Variants in RIMS2 observed in about 807,000 individuals in gnomAD.
RIMS2 encodes regulating synaptic membrane exocytosis protein 2.
Under a neutral mutation model 174.4 loss-of-function variants are expected in RIMS2, and 59 were observed. The observed-to-expected ratio is 0.34, with a 90% confidence interval of 0.27 to 0.42. The LOEUF (loss-of-function observed/expected upper bound fraction) is 0.42. Ranked by LOEUF, RIMS2 falls within the 10% of genes least tolerant of loss-of-function variation. The probability of loss-of-function intolerance (pLI) is 1.00; values close to 1 mark genes in which losing one functional copy is unlikely to be tolerated. For synonymous variants in RIMS2, 606 were observed against 572.5 expected, an observed-to-expected ratio of 1.06 and a Z score of -0.84; for missense variants, 1,620 against 1,666.3, an observed-to-expected ratio of 0.97 and a Z score of 0.48.
At chr8:104,092,209 A>T (rs934271298) in intron 19 of RIMS2, among the ~76,000 whole-genome samples, 3 of 151,830 alleles carry the variant, frequency 2.0e-5, no homozygotes, top group African/African-American at 7.2e-5. Context: ...AAATGTTTAT[A>T]TCTATCTAAT....
exon 4 of RIMS2, chr8:103,885,409 A>G (rs751181714): frequency 1.9e-5 from 31 of 1,609,426 alleles, no homozygotes; most frequent in Non-Finnish European, 2.2e-5. Flanking sequence ...CTAGATCTCC[A>G]TCAGATTATG....
At chr8:104,019,802 C>T (rs772545056) in intron 19 of RIMS2, among the ~76,000 whole-genome samples, 8 of 152,084 alleles carry the variant, frequency 5.3e-5, no homozygotes, top group Admixed American at 1.3e-4. Context: ...TTAATGTTTT[C>T]CCATTAGCTC....
intron 1 of RIMS2, among the ~76,000 whole-genome samples, chr8:103,656,083 A>G (rs2096528267): frequency 6.6e-6 from 1 of 152,132 alleles, no homozygotes; most frequent in Non-Finnish European, 1.5e-5. Context: ...GGAGAGAAGT[A>G]AATTGAGAAT....
At chr8:103,866,949 A>C (rs951059036) in intron 3 of RIMS2, among the ~76,000 whole-genome samples, 75 of 151,940 alleles carry the variant, frequency 4.9e-4, no homozygotes, top group African/African-American at 1.7e-3. Flanking sequence ...TCTTGTCATG[A>C]GGTTCTGTGT....
At chr8:104,102,143 T>A (rs2097914702) in intron 19 of RIMS2, among the ~76,000 whole-genome samples, 1 of 152,190 alleles carries the variant, frequency 6.6e-6, no homozygotes. Context: ...ATCTGCCAGA[T>A]CTGTCCTCCT....
At chr8:104,077,437 A>T (rs1031137871) in intron 19 of RIMS2, among the ~76,000 whole-genome samples, 2 of 151,898 alleles carry the variant, frequency 1.3e-5, no homozygotes, top group Admixed American at 1.3e-4. Context: ...ATTTAAAAAA[A>T]TGATACTTTT....
chr8:103,908,779 G>T (rs1187572677), intron 4 of RIMS2, among the ~76,000 whole-genome samples: 1 of 151,760 alleles, frequency 6.6e-6, no homozygotes, highest in East Asian at 1.9e-4. Context: ...TTAACTTTTG[G>T]TGTCATACAA....
At chr8:103,917,487 A>G (rs960645479) in intron 8 of RIMS2, among the ~76,000 whole-genome samples, 4 of 152,138 alleles carry the variant, frequency 2.6e-5, no homozygotes, top group East Asian at 1.9e-4. Flanking sequence ...AGATTTGTGT[A>G]TTGATCAAAT....
intron 15 of RIMS2, among the ~76,000 whole-genome samples, chr8:103,967,549 G>C (rs1029290083): frequency 5.3e-5 from 8 of 150,500 alleles, no homozygotes; most frequent in South Asian, 2.1e-4. Context: ...CTGGAATGCA[G>C]TGGTGCAATC....
intron 3 of RIMS2, among the ~76,000 whole-genome samples, chr8:103,857,617 C>T (rs1482814320): frequency 6.6e-6 from 1 of 151,922 alleles, no homozygotes; most frequent in Non-Finnish European, 1.5e-5. Context: ...ATTAATTCCC[C>T]ATGAGATACA....
intron 1 of RIMS2, among the ~76,000 whole-genome samples, chr8:103,567,246 C>A (rs1347119782): frequency 6.6e-6 from 1 of 152,156 alleles, no homozygotes; most frequent in Non-Finnish European, 1.5e-5. Flanking sequence ...GCAAACATCA[C>A]CACTATCCAG....
chr8:103,549,372 G>A (rs1245517917), intron 1 of RIMS2, among the ~76,000 whole-genome samples: 1 of 152,104 alleles, frequency 6.6e-6, no homozygotes, highest in Non-Finnish European at 1.5e-5. Flanking sequence ...GCCAAACTAA[G>A]CTTCATAAGT....
At chr8:103,851,687 A>G (rs1429543995) in intron 3 of RIMS2, among the ~76,000 whole-genome samples, 1 of 142,144 alleles carries the variant, frequency 7.0e-6, no homozygotes, top group Non-Finnish European at 1.6e-5. Flanking sequence ...ACACACACAC[A>G]CACACAGGCA....
intron 19 of RIMS2, among the ~76,000 whole-genome samples, chr8:104,136,541 T>C (rs1171619422): frequency 6.6e-6 from 1 of 152,122 alleles, no homozygotes; most frequent in Non-Finnish European, 1.5e-5. Context: ...CTTCATAGAA[T>C]CAACCTAAAT....
In RIMS2 at chr8:103,952,202, C is replaced by T. The variant is rs114259426; in HGVS notation, c.2702-8863C>T. On this transcript the variant is annotated intron_variant, in intron 14 of 23. Coordinates refer to ENST00000504942, the Ensembl canonical transcript of RIMS2. Reference sequence around the variant, plus strand: ...CTTCAGCAGACTTAAACGTTCCTGCCTGGCAGCTCAGCTCTGAAGAGAGGA... The same window carrying T: ...CTTCAGCAGACTTAAACGTTCCTGCTTGGCAGCTCAGCTCTGAAGAGAGGA... Among the ~76,000 whole-genome samples, 1,230 of 152,314 alleles carry T rather than the reference C, an allele frequency of 8.1e-3. 19 individuals are homozygous for T. The highest frequency in any genetic ancestry group is 0.028 in the African/African-American group (1,176 of 41,572).
intron 4 of RIMS2, among the ~76,000 whole-genome samples, chr8:103,886,566 ATAT>A (rs1235914704): frequency 1.3e-5 from 2 of 151,936 alleles, no homozygotes; most frequent in African/African-American, 4.8e-5. Context: ...AAGTAACAAT[ATAT>A]TCACTATAAA....
At chr8:103,656,908 T>A (rs1018002434) in intron 1 of RIMS2, among the ~76,000 whole-genome samples, 1 of 152,160 alleles carries the variant, frequency 6.6e-6, no homozygotes, top group African/African-American at 2.4e-5. Flanking sequence ...GTTTTACTTC[T>A]GGGAGTACCA....
intron 19 of RIMS2, among the ~76,000 whole-genome samples, chr8:104,029,172 G>A (rs2096328362): frequency 6.6e-6 from 1 of 152,156 alleles, no homozygotes. Context: ...TATGAACCGT[G>A]AGGACAAAGA....
At chr8:103,978,413 G>T (rs974616489) in intron 16 of RIMS2, among the ~76,000 whole-genome samples, 3 of 119,346 alleles carry the variant, frequency 2.5e-5, no homozygotes, top group African/African-American at 7.7e-5. Flanking sequence ...AAAGGACAAA[G>T]AAATATATGT....
Sources: allele counts gnomAD v4.1 joint callset (sites outside exome capture counted in the v4.1 genomes callset), GRCh38; gene constraint gnomAD v4.1.1; transcripts MANE v1.5; gene names NCBI Gene and HGNC (gene_info 2026-07-23, HGNC 2026-07-21).